Variants in DLG2 observed in about 807,000 individuals in gnomAD.
DLG2 encodes disks large homolog 2.
A neutral mutation model predicts 132.5 loss-of-function variants in DLG2; 45 were observed. That is an observed-to-expected ratio of 0.34 (90% CI 0.27 to 0.44). DLG2 has a LOEUF of 0.44. Among genes scored for constraint, DLG2 ranks in the 20% least tolerant of loss-of-function variants. The pLI, the probability that DLG2 is intolerant of heterozygous loss-of-function variation, is 1.00. For missense variants in DLG2, 1,045 were observed against 1,196.9 expected (o/e 0.87, Z 1.87); for synonymous variants, 424 against 419.6 (o/e 1.01, Z -0.13).
Position 84,447,559 on chromosome 11 carries a change from C to T in DLG2, c.519+87011G>A, listed in dbSNP as rs189894759. On this transcript the variant is annotated intron_variant, in intron 7 of 27. Coordinates refer to ENST00000376104, the MANE Select transcript of DLG2 (RefSeq NM_001142699.3). ...CAGTTGCAAACTTGTAAAAATATTTCATAAATTTAAAGTCTTCCAGGTTCC... is the reference window on the plus strand; with the variant it reads ...CAGTTGCAAACTTGTAAAAATATTTTATAAATTTAAAGTCTTCCAGGTTCC... 2.0e-3 allele frequency among the ~76,000 whole-genome samples: 297 copies of T among 152,246 alleles called. 1 individual carries two copies. Among genetic ancestry groups the T allele is most frequent in the African/African-American group, 7.0e-3 (289 of 41,558 alleles).
intron 15 of DLG2, among the ~76,000 whole-genome samples, chr11:83,923,153 A>T (rs190472070): frequency 1.3e-5 from 2 of 152,294 alleles, no homozygotes; most frequent in East Asian, 3.9e-4. Flanking sequence ...CTGAACTGAT[A>T]AACATTTTCT....
chr11:83,557,823 C>T lies in DLG2; in HGVS notation c.1941-15965G>A, dbSNP rs368737300. On this transcript the variant is annotated intron_variant, in intron 19 of 27. Transcript: ENST00000376104. ...ATTTCCTGTTTTACAGATGGGTGAG[C>T]GCTCTAAGGGAACTAACTTGTTGTG... Among the ~76,000 whole-genome samples, 43 of 152,114 alleles carry T rather than the reference C, an allele frequency of 2.8e-4. No individual in the cohort carries two copies. The East Asian group carries it at 3.3e-3, about 12-fold the overall frequency.
chr11:84,385,797 C>T (rs148491117), intron 7 of DLG2, among the ~76,000 whole-genome samples: 8 of 152,076 alleles, frequency 5.3e-5, no homozygotes, highest in Non-Finnish European at 8.8e-5. Flanking sequence ...AGTAATTGCT[C>T]GATAAATCTT....
intron 7 of DLG2, among the ~76,000 whole-genome samples, chr11:84,387,300 C>T (rs2098774820): frequency 1.3e-5 from 2 of 152,052 alleles, no homozygotes; most frequent in South Asian, 2.1e-4. Flanking sequence ...TATTAGGTTA[C>T]ATTAAAGTTG....
chr11:84,602,961 TG>T (rs1174402023), intron 6 of DLG2, among the ~76,000 whole-genome samples: 2 of 152,080 alleles, frequency 1.3e-5, no homozygotes, highest in East Asian at 3.8e-4. Flanking sequence ...TGTTCTTCTC[TG>T]ATTGCATTGG....
chr11:84,464,982 C>A (rs1045270270), intron 7 of DLG2, among the ~76,000 whole-genome samples: 1 of 151,076 alleles, frequency 6.6e-6, no homozygotes, highest in Non-Finnish European at 1.5e-5. Context: ...TGATTCATTG[C>A]CAAAACTGAC....
intron 4 of DLG2, among the ~76,000 whole-genome samples, chr11:85,188,368 A>G (rs1428466526): frequency 2.0e-5 from 3 of 152,216 alleles, no homozygotes; most frequent in African/African-American, 7.2e-5. Context: ...GTTGCAAACA[A>G]ACAAAACACA....
intron 14 of DLG2, among the ~76,000 whole-genome samples, chr11:83,938,921 T>G (rs775356981): frequency 2.0e-5 from 3 of 152,194 alleles, no homozygotes; most frequent in African/African-American, 4.8e-5. Context: ...TACTTGTTCC[T>G]TCTGTCTCAA....
chr11:83,621,839 G>T (rs1015662759), intron 19 of DLG2, among the ~76,000 whole-genome samples: 29 of 152,094 alleles, frequency 1.9e-4, no homozygotes, highest in Admixed American at 9.2e-4. Flanking sequence ...GGCTTCATGG[G>T]TATGAGACCT....
At chr11:84,085,505 A>T (rs938232017) in intron 10 of DLG2, among the ~76,000 whole-genome samples, 41 of 152,282 alleles carry the variant, frequency 2.7e-4, no homozygotes, top group African/African-American at 9.9e-4. Flanking sequence ...CCTGGCCATG[A>T]TAATAGCATT....
chr11:85,581,624 A>C (rs2078529282), intron 3 of DLG2, among the ~76,000 whole-genome samples: 1 of 152,102 alleles, frequency 6.6e-6, no homozygotes, highest in South Asian at 2.1e-4. Flanking sequence ...CTTAAAACAA[A>C]CAAAAAAACA....
chr11:84,066,820 G>T (rs2096681240), intron 10 of DLG2, among the ~76,000 whole-genome samples: 1 of 152,090 alleles, frequency 6.6e-6, no homozygotes. Context: ...AAACAACTTT[G>T]CAGCAGCTGT....
At chr11:84,966,101 T>G (rs1163447724) in intron 6 of DLG2, among the ~76,000 whole-genome samples, 1 of 152,002 alleles carries the variant, frequency 6.6e-6, no homozygotes, top group African/African-American at 2.4e-5. Context: ...GTATGTTGTA[T>G]ACTATCTAGT....
intron 8 of DLG2, among the ~76,000 whole-genome samples, chr11:84,183,455 G>C (rs1045793895): frequency 6.6e-6 from 1 of 152,060 alleles, no homozygotes; most frequent in African/African-American, 2.4e-5. Context: ...GTTATGCTAT[G>C]AACCTAAAAC....
At chr11:83,641,943 G>C (rs183240938) in intron 18 of DLG2, among the ~76,000 whole-genome samples, 163 of 152,056 alleles carry the variant, frequency 1.1e-3, no homozygotes, top group African/African-American at 3.7e-3. Flanking sequence ...GAAAAAGAGA[G>C]AGAGATACAG....
At chr11:84,631,008 TCTCTCTCTCTCACACA>T (rs997920517) in intron 6 of DLG2, among the ~76,000 whole-genome samples, 1 of 130,032 alleles carries the variant, frequency 7.7e-6, no homozygotes, top group Non-Finnish European at 1.6e-5. Flanking sequence ...TCTCTCTCTC[TCTCTCTCTCTCACACA>T]CACACACACA....
chr11:84,168,752 C>A (rs1457347710), intron 8 of DLG2, among the ~76,000 whole-genome samples: 2 of 151,932 alleles, frequency 1.3e-5, no homozygotes, highest in African/African-American at 4.8e-5. Flanking sequence ...CTGAGCTTGG[C>A]TCCTCTCAGA....
intron 5 of DLG2, among the ~76,000 whole-genome samples, chr11:85,128,383 C>T (rs886327349): frequency 6.6e-6 from 1 of 152,068 alleles, no homozygotes; most frequent in Non-Finnish European, 1.5e-5. Flanking sequence ...GGAAATACCT[C>T]AGAGATGCAA....
At chr11:84,259,114 A>C (rs1200878331) in intron 7 of DLG2, among the ~76,000 whole-genome samples, 2 of 151,986 alleles carry the variant, frequency 1.3e-5, no homozygotes, top group Non-Finnish European at 2.9e-5. Flanking sequence ...TCTACTAAAG[A>C]TACAAAAATT....
Sources: gnomAD v4.1 joint callset for allele counts (sites outside exome capture counted in the v4.1 genomes callset) on GRCh38, gnomAD v4.1.1 for gene constraint, MANE v1.5 for transcripts, NCBI Gene and HGNC (gene_info 2026-07-23, HGNC 2026-07-21) for gene names.